The following PCDHGA4 variants were observed in gnomAD, a reference collection of about 807,000 sequenced individuals.
PCDHGA4 encodes the protein protocadherin gamma subfamily A, 4.
A neutral mutation model predicts 54.6 loss-of-function variants in PCDHGA4; 38 were observed. The observed-to-expected ratio is 0.70, with a 90% CI of 0.54 to 0.91. The LOEUF (loss-of-function observed/expected upper bound fraction) is 0.91. Ranked by LOEUF, PCDHGA4 falls within the 40% of genes least tolerant of loss-of-function variation. The pLI, the probability that PCDHGA4 is intolerant of heterozygous loss-of-function variation, is 0.00. For missense variants in PCDHGA4, 1,298 were observed against 1,220.9 expected (o/e 1.06, Z -0.94); for synonymous variants, 511 against 512.9 (o/e 1.00, Z 0.05).
At chr5:141,459,723 T>G (rs1024452676) in intron 1 of PCDHGA4, among the ~76,000 whole-genome samples, 3 of 152,254 alleles carry the variant, frequency 2.0e-5, no homozygotes, top group African/African-American at 7.2e-5. Context: ...ATGCTTCCTA[T>G]TGTCAATTTT....
intron 1 of PCDHGA4, among the ~76,000 whole-genome samples, chr5:141,475,231 G>A (rs1188161872): frequency 6.6e-6 from 1 of 152,190 alleles, no homozygotes; most frequent in Admixed American, 6.5e-5. Flanking sequence ...AAAGGGAAAC[G>A]ATAGAGAGAG....
intron 1 of PCDHGA4, among the ~76,000 whole-genome samples, chr5:141,433,664 C>G (rs1027404017): frequency 6.6e-6 from 1 of 151,966 alleles, no homozygotes; most frequent in South Asian, 2.1e-4. Flanking sequence ...GGAGAAACCC[C>G]GTCTATACTA....
In PCDHGA4 at chr5:141,485,778, G is replaced by A. The variant is rs575586552; in HGVS notation, c.2515-9029G>A. On this transcript the variant is annotated intron_variant, in intron 1 of 3. Coordinates refer to ENST00000571252, the MANE Select transcript of PCDHGA4 (RefSeq NM_018917.4). The surrounding 1 kb of genome is among the most constrained non-coding windows in gnomAD (Gnocchi z 5.7). ...CTGCTCCTGGAGAAGCCTTTGGATC[G>A]AGAGAAGCAATCGGACTACCGCCTG... is the stretch of plus-strand genomic sequence containing the variant. The A allele has an allele frequency of 1.2e-6, 2 of 1,614,216 alleles. No individual in the cohort carries two copies. Among genetic ancestry groups the A allele is most frequent in the Admixed American group, 1.7e-5 (1 of 60,028 alleles).
intron 1 of PCDHGA4, among the ~76,000 whole-genome samples, chr5:141,461,288 A>G (rs1049761514): frequency 2.0e-5 from 3 of 152,092 alleles, no homozygotes; most frequent in Admixed American, 1.3e-4. Flanking sequence ...CCCCACATCC[A>G]CACCAACATC....
At chr5:141,365,970 CGCTGAGCCTGTTTGT>C (rs753408644) in intron 1 of PCDHGA4, 2 of 1,614,138 alleles carry the variant, frequency 1.2e-6, no homozygotes, top group Admixed American at 1.7e-5. Flanking sequence ...AGCAACGTGT[CGCTGAGCCTGTTTGT>C]GCTGGACCAG....
Position 141,364,526 on chromosome 5 carries a change from A to G in PCDHGA4, c.2514+6905A>G, listed in dbSNP as rs532623040. The G allele has an allele frequency of 8.7e-6, 14 of 1,614,060 alleles. No homozygotes were observed. In the African/African-American group the frequency reaches 1.7e-4, roughly 20 times the overall value. On this transcript the variant is annotated intron_variant, in intron 1 of 3. Coordinates refer to ENST00000571252, the MANE Select transcript of PCDHGA4 (RefSeq NM_018917.4). ...GGAGCTGGCGGAGCGCGGAGTCCGC[A>G]TCGTCTCCAGAGGTAGGACGCAGCT...
At chr5:141,420,672 G>T (rs1478670282) in intron 1 of PCDHGA4, among the ~76,000 whole-genome samples, 1 of 152,296 alleles carries the variant, frequency 6.6e-6, no homozygotes, top group African/African-American at 2.4e-5. Flanking sequence ...CCTACCTGAT[G>T]ATTTTATCGG....
intron 1 of PCDHGA4, chr5:141,394,727 C>T (rs971156422): frequency 1.2e-6 from 2 of 1,613,318 alleles, no homozygotes; most frequent in African/African-American, 1.3e-5. Context: ...GAGATGCGCT[C>T]AAGCAGAGCC....
At position 141,355,337 on chromosome 5, in the gene PCDHGA4, G is replaced by A. The variant is rs368596451; in HGVS notation, c.230G>A (p.Gly77Asp). 5.6e-6 allele frequency: 9 copies of A among 1,613,898 alleles called. No homozygotes were observed. The African/African-American group carries it at 1.1e-4, about 19-fold the overall frequency. The part of the protein sequence containing the change: ...FEEQEEGSVV[G>D]NIAKDLGLAP... ...GAGCAGGAAGAAGGCTCAGTGGTGG[G>A]CAACATCGCCAAGGACCTGGGGTTG... The change falls in exon 1 of 4, where the codon GGC becomes GAC. Residue 77 changes from glycine (G) to aspartate (D), a missense_variant. Transcript: ENST00000571252.
intron 1 of PCDHGA4, chr5:141,478,142 G>A: frequency 3.7e-6 from 6 of 1,613,988 alleles, no homozygotes; most frequent in Non-Finnish European, 4.2e-6. Flanking sequence ...AGCCCGAGCC[G>A]AGTTCCCCTC....
intron 1 of PCDHGA4, chr5:141,365,491 T>C (rs1421150605): frequency 1.9e-6 from 3 of 1,614,014 alleles, no homozygotes; most frequent in Non-Finnish European, 2.5e-6. Flanking sequence ...GCTCTATTCC[T>C]AGGAATTTGC....
chr5:141,399,387 CACAG>C, intron 1 of PCDHGA4: 4 of 1,614,028 alleles, frequency 2.5e-6, no homozygotes, highest in Non-Finnish European at 2.5e-6. Context: ...CCATCACAGC[CACAG>C]ACAGGGGCAA....
intron 1 of PCDHGA4, chr5:141,360,166 G>A: frequency 6.2e-7 from 1 of 1,607,924 alleles, no homozygotes; most frequent in Non-Finnish European, 8.5e-7. Context: ...GTGCGGGCTG[G>A]TGCGGTGGCT....
intron 1 of PCDHGA4, chr5:141,383,089 GT>G: frequency 1.2e-6 from 2 of 1,613,932 alleles, no homozygotes; most frequent in Non-Finnish European, 1.7e-6. Context: ...GGAGCGCGGA[GT>G]CCGCATCATC....
intron 1 of PCDHGA4, chr5:141,383,358 G>C (rs773383689): frequency 8.7e-6 from 14 of 1,613,864 alleles, no homozygotes; most frequent in Middle Eastern, 1.6e-4. Context: ...TTCGGTTTCC[G>C]TTAAGCGAGG....
In PCDHGA4 at chr5:141,384,445, G is replaced by A. The variant is rs182497799; in HGVS notation, c.2514+26824G>A. 5.0e-6 allele frequency: 8 copies of A among 1,613,990 alleles called. 1 individual carries two copies. The African/African-American group carries it at 5.3e-5, about 11-fold the overall frequency. ...AAACTCTGACACTGGAGTCCTGTAC[G>A]CGCTGCAATCCTTTGATTATGAGCA... On this transcript the variant is annotated intron_variant, in intron 1 of 3. Transcript: ENST00000571252.
At chr5:141,442,629 A>G (rs959326665) in intron 1 of PCDHGA4, among the ~76,000 whole-genome samples, 2 of 152,248 alleles carry the variant, frequency 1.3e-5, no homozygotes, top group African/African-American at 4.8e-5. Context: ...TTCTAGCAGC[A>G]AGACCAAAGG....
intron 3 of PCDHGA4, among the ~76,000 whole-genome samples, chr5:141,509,962 C>A (rs1186902807): frequency 2.0e-5 from 3 of 152,206 alleles, no homozygotes. Context: ...CGGGTATGGC[C>A]TTGGTCCTTC....
chr5:141,447,533 G>T (rs2098541881), intron 1 of PCDHGA4, among the ~76,000 whole-genome samples: 1 of 152,120 alleles, frequency 6.6e-6, no homozygotes, highest in South Asian at 2.1e-4. Flanking sequence ...CAAAATTGTT[G>T]GGTTTTAATG....
Sources: gnomAD v4.1 joint callset for allele counts (sites outside exome capture counted in the v4.1 genomes callset) on GRCh38, gnomAD v4.1.1 for gene constraint, Gnocchi (gnomAD v3.1) non-coding constraint, MANE v1.5 for transcripts, NCBI Gene and HGNC (gene_info 2026-07-23, HGNC 2026-07-21) for gene names.